Variants in ANPEP observed in about 807,000 individuals in gnomAD.
The protein encoded by ANPEP is aminopeptidase N.
A neutral mutation model predicts 114.6 loss-of-function variants in ANPEP; 70 were observed. That is an observed-to-expected ratio of 0.61 (90% CI 0.50 to 0.75). The LOEUF is 0.75. ANPEP is among the 30% of genes least tolerant of loss of function. The probability of loss-of-function intolerance (pLI) is 0.00; values close to 1 mark genes in which losing one functional copy is unlikely to be tolerated. For missense variants in ANPEP, 1,184 were observed against 1,259.5 expected, an observed-to-expected ratio of 0.94 and a Z score of 0.91; for synonymous variants, 548 against 522.3, an observed-to-expected ratio of 1.05 and a Z score of -0.67.
At chr15:89,794,838 GCT>G (rs1968698715) in intron 15 of ANPEP, among the ~76,000 whole-genome samples, 5 of 152,156 alleles carry the variant, frequency 3.3e-5, no homozygotes, top group African/African-American at 9.7e-5. Flanking sequence ...CAATACAGAG[GCT>G]TACTCTCTGG....
chr15:89,803,108 G>T lies in ANPEP; in HGVS notation c.1569+131C>A. 1 of 1,016,074 alleles carries T rather than the reference G, an allele frequency of 9.8e-7. No homozygotes were observed. The highest frequency in any genetic ancestry group is 1.5e-6 in the Non-Finnish European group (1 of 653,400). 62.9% of individuals were successfully genotyped at this position (1,016,074 alleles called of 1,614,324 possible). ...TCCACTATAGGGAGGAGCAACAGAG[G>T]CTCCATCCACCCTGCAGGGCTGGTC... On this transcript the variant is annotated intron_variant, in intron 10 of 20. Coordinates refer to ENST00000300060, the MANE Select transcript of ANPEP (RefSeq NM_001150.3). The surrounding 1 kb of genome is among the most constrained non-coding windows in gnomAD (Gnocchi z 4.2).
intron 20 of ANPEP, among the ~76,000 whole-genome samples, chr15:89,789,675 A>C (rs1317468764): frequency 3.3e-5 from 5 of 151,462 alleles, no homozygotes; most frequent in Non-Finnish European, 5.9e-5. Context: ...CGGGAAGCTG[A>C]GGCAGGAGAA....
At chr15:89,801,644 A>G in intron 10 of ANPEP, 37 bp from the exon 11 acceptor site, 1 of 1,600,922 alleles carries the variant, frequency 6.2e-7, no homozygotes, top group East Asian at 2.2e-5. Flanking sequence ...CATCAGTGGG[A>G]CCCTCCAGTC....
Position 89,806,415 on chromosome 15 carries a change from T to A in ANPEP, c.169A>T (p.Thr57Ser). The A allele has an allele frequency of 6.2e-7, 1 of 1,613,984 alleles. No homozygotes were observed. The highest frequency in any genetic ancestry group is 8.5e-7 in the Non-Finnish European group (1 of 1,179,970). ...ASTTPSASAT[T>S]NPASATTLDQ... ...AAGGTGGTGGCCGAGGCGGGGTTGG[T>A]GGTGGCTGAGGCGGACGGGGTGGTG... The change falls in exon 2 of 21, where the codon ACC (threonine) becomes TCC (serine). Residue 57 changes from threonine to serine, a missense_variant. Thr to Ser is a moderately conservative substitution (Grantham distance 58). Coordinates refer to ENST00000300060, the MANE Select transcript of ANPEP (RefSeq NM_001150.3). This position sits in a 1 kb window ranked among gnomAD's most constrained non-coding sequence, Gnocchi z 5.7.
intron 4 of ANPEP, 43 bp downstream of exon 4, chr15:89,805,035 C>A: frequency 6.2e-7 from 1 of 1,612,152 alleles, no homozygotes; most frequent in South Asian, 1.1e-5. Context: ...CCCCTCAAGC[C>A]GGGGCCAGCC....
Position 89,799,288 on chromosome 15 carries a change from T to C in ANPEP, c.1981A>G (p.Ile661Val). Residue 661 changes from isoleucine to valine, a missense_variant, in exon 14 of 21, where the codon ATC (isoleucine) becomes GTC (valine). Physicochemically the swap from Ile to Val is conservative, Grantham distance 29 (BLOSUM62 3). Coordinates refer to ENST00000300060, the MANE Select transcript of ANPEP (RefSeq NM_001150.3). The surrounding 1 kb of genome is among the most constrained non-coding windows in gnomAD (Gnocchi z 4.2). ...GCCAGGTTGAAGGCGTCATTAATGA[T>C]CTGTGCCCGATTGATGACAGGGATG... ...SAIPVINRAQ[I>V]INDAFNLASA... is the part of the protein sequence containing the mutation. 6.2e-7 allele frequency: 1 copy of C among 1,614,178 alleles called. No individual in the cohort carries two copies. The highest frequency in any genetic ancestry group is 1.7e-5 in the Admixed American group (1 of 60,018).
chr15:89,805,867 A>T, intron 2 of ANPEP, 103 bp downstream of exon 2: 1 of 1,457,482 alleles, frequency 6.9e-7, no homozygotes, highest in Non-Finnish European at 9.2e-7. Context: ...CGGGCTCCAC[A>T]GGGTTCAAAG....
chr15:89,789,837 G>A (rs975879731), intron 20 of ANPEP, among the ~76,000 whole-genome samples: 3 of 150,390 alleles, frequency 2.0e-5, no homozygotes, highest in Non-Finnish European at 1.5e-5. Context: ...TTGGGAGGCC[G>A]AGGCAGGCAG....
At chr15:89,797,832 AT>A in intron 14 of ANPEP, 110 bp from the exon 15 acceptor site, 1 of 1,446,378 alleles carries the variant, frequency 6.9e-7, no homozygotes, top group Non-Finnish European at 9.5e-7. Flanking sequence ...GGCCCCCTGT[AT>A]CCACTCCTGG....
At chr15:89,810,142 G>A (rs971033321) in intron 1 of ANPEP, among the ~76,000 whole-genome samples, 1 of 152,194 alleles carries the variant, frequency 6.6e-6, no homozygotes, top group African/African-American at 2.4e-5. Flanking sequence ...CACTTTAGGA[G>A]GCTGAGGTGG....
Position 89,799,161 on chromosome 15 carries a change from T to G in ANPEP, c.2009+99A>C. On this transcript the variant is annotated intron_variant, in intron 14 of 20. Transcript: ENST00000300060. The surrounding 1 kb of genome is among the most constrained non-coding windows in gnomAD (Gnocchi z 4.2). ...GGAGCTCAGGGCACAGCACGTGGCA[T>G]ATGGGAAGGGCAGCAGGAGGAGCAG... The G allele has an allele frequency of 2.9e-6, 4 of 1,389,204 alleles. No individual in the cohort carries two copies. The highest frequency in any genetic ancestry group is 4.1e-6 in the Non-Finnish European group (4 of 983,346). 86.1% of individuals were successfully genotyped at this position (1,389,204 alleles called of 1,614,324 possible). A position where few individuals can be genotyped will look rare whatever the true frequency, so the allele number is the denominator to read the frequency against.
chr15:89,804,832 TC>T, intron 4 of ANPEP: 1 of 814,148 alleles, frequency 1.2e-6, no homozygotes, highest in Admixed American at 2.9e-5. Context: ...ATAACAATCA[TC>T]ATAGCCACCG....
Position 89,806,551 on chromosome 15 carries a change from C to T in ANPEP, c.33G>A (p.Leu11=). The change falls in exon 2 of 21, where the codon CTG becomes CTA. Residue 11 remains leucine, a synonymous_variant. Coordinates refer to ENST00000300060, the MANE Select transcript of ANPEP (RefSeq NM_001150.3). The surrounding 1 kb of genome is among the most constrained non-coding windows in gnomAD (Gnocchi z 5.7). MAKGFYISKS[L]GILGILLGVA... ...CGCCCAGGAGGATCCCCAGGATGCC[C>T]AGGGACTTGGAAATATAGAAGCCCT... 1 of 1,610,812 alleles carries T rather than the reference C, an allele frequency of 6.2e-7. No homozygotes were observed. Among genetic ancestry groups the T allele is most frequent in the East Asian group, 2.2e-5 (1 of 44,814 alleles).
rs1472901156 is a variant in ANPEP at position 89,785,466 on chromosome 15, G to GC, written c.2786dup (p.Phe930LeufsTer44). The GC allele has an allele frequency of 6.2e-7, 1 of 1,613,962 alleles. No homozygotes were observed. ...CCAGGGCCCGGGTGCCTGAGCCGAA[G>GC]CCTGTTTCCTCGTTGTCCTTCTTGA... is the stretch of plus-strand genomic sequence containing the variant. On this transcript the variant is annotated frameshift_variant, in exon 21 of 21. Transcript: ENST00000300060. LOFTEE classifies it high-confidence loss of function.
At chr15:89,800,457 A>G (rs1894564195) in intron 12 of ANPEP, among the ~76,000 whole-genome samples, 1 of 151,252 alleles carries the variant, frequency 6.6e-6, no homozygotes, top group South Asian at 2.1e-4. Context: ...AAGGCAAAGG[A>G]TGACTTGTCA....
chr15:89,805,907 C>A, intron 2 of ANPEP, 63 bp downstream of exon 2: 3 of 1,536,126 alleles, frequency 2.0e-6, no homozygotes, highest in Non-Finnish European at 2.6e-6. Flanking sequence ...CCTTGGCCCT[C>A]AGAATCCAGC....
chr15:89,804,581 C>T lies in ANPEP; in HGVS notation c.934G>A (p.Gly312Ser). Reference protein sequence around the residue: ...IWARPSAIAAGHGDYALNVTG... With the variant: ...IWARPSAIAASHGDYALNVTG... ...ACGTTCAGGGCATAATCGCCGTGGC[C>T]CGCCGCAATGGCACTGGGCCGGGCC... The change falls in exon 5 of 21, where the codon GGC (glycine) becomes AGC (serine). Residue 312 changes from glycine (G) to serine (S), a missense_variant. Physicochemically the swap from Gly to Ser is moderately conservative, Grantham distance 56 (BLOSUM62 0). Coordinates refer to ENST00000300060, the MANE Select transcript of ANPEP (RefSeq NM_001150.3). 6.2e-7 allele frequency: 1 copy of T among 1,614,078 alleles called. No homozygotes were observed.
At position 89,792,255 on chromosome 15, in the gene ANPEP, G is replaced by A. The variant is rs76989453; in HGVS notation, c.2433C>T (p.Phe811=). The change falls in exon 18 of 21, where the codon TTC becomes TTT. Residue 811 remains phenylalanine (F), a synonymous_variant. Coordinates refer to ENST00000300060, the MANE Select transcript of ANPEP (RefSeq NM_001150.3). ...TGGCATTTCGGAACTGCTCCCAGGC[G>A]AAGTCCCACTCCTCCTCCCCGCCCT... ...IAQGGEEEWD[F]AWEQFRNATL... is the part of the protein sequence containing the mutation. 1,693 of 1,614,224 alleles carry A rather than the reference G, an allele frequency of 1.0e-3. 11 individuals are homozygous for A. The African/African-American group carries it at 0.017, about 16-fold the overall frequency.
intron 10 of ANPEP, chr15:89,802,421 TG>T: frequency 6.6e-6 from 1 of 152,310 alleles, no homozygotes; most frequent in Non-Finnish European, 1.5e-5. Context: ...GCTGTGACTC[TG>T]TGACAAGATC....
Sources: gnomAD v4.1 joint callset for allele counts (sites outside exome capture counted in the v4.1 genomes callset) on GRCh38, gnomAD v4.1.1 for gene constraint, Gnocchi (gnomAD v3.1) non-coding constraint, MANE v1.5 for transcripts, NCBI Gene and HGNC (gene_info 2026-07-23, HGNC 2026-07-21) for gene names.